The following SIGIRR variants were observed in gnomAD, a reference collection of about 807,000 sequenced individuals.
The protein encoded by SIGIRR is single Ig IL-1-related receptor.
SIGIRR carries 41 observed loss-of-function variants against 45.6 expected under a neutral mutation model. That is an observed-to-expected ratio of 0.90 (90% CI 0.70 to 1.17). The LOEUF is 1.17. SIGIRR is among the 50% of genes most tolerant of loss of function. The pLI is 0.00. For synonymous variants in SIGIRR, 298 were observed against 239.0 expected, an observed-to-expected ratio of 1.25 and a Z score of -2.28; for missense variants, 599 against 539.6, an observed-to-expected ratio of 1.11 and a Z score of -1.09.
intron 3 of SIGIRR, 51 bp downstream of exon 3, chr11:408,644 C>T: frequency 6.2e-7 from 1 of 1,602,384 alleles, no homozygotes. Flanking sequence ...AGACCACTGC[C>T]CTTGGCATGT....
In SIGIRR at chr11:407,954, G is replaced by C. The variant is rs111819059; in HGVS notation, c.344C>G (p.Pro115Arg). Reference protein sequence around the residue: ...FSSFTLQRAGPTSHVAAVLAS... With the variant: ...FSSFTLQRAGRTSHVAAVLAS... Reference sequence around the variant, plus strand: ...CAGCACCGCAGCCACGTGGCTTGTAGGGCCTGCGGATGGGTTGCCTGAGCC... The same window carrying C: ...CAGCACCGCAGCCACGTGGCTTGTACGGCCTGCGGATGGGTTGCCTGAGCC... The change falls in exon 5 of 10, where the codon CCT (proline) becomes CGT (arginine). Residue 115 changes from proline to arginine, a missense_variant. Coordinates refer to ENST00000431843, the MANE Select transcript of SIGIRR (RefSeq NM_001135054.2). The C allele has an allele frequency of 6.9e-3, 11,135 of 1,606,710 alleles. 51 individuals are homozygous for C. Among genetic ancestry groups the C allele is most frequent in the East Asian group, 0.017 (770 of 44,806 alleles).
In SIGIRR at chr11:406,270, G is replaced by A. The variant is rs754175384; in HGVS notation, c.1069+79C>T. ...GTCCTCAACACCTGGAGCCCCTCCA[G>A]GCCCTGTGCCCTGTGCCTGCCCCCA... On this transcript the variant is annotated intron_variant, in intron 9 of 9. Transcript: ENST00000431843. 3 of 1,558,602 alleles carry A rather than the reference G, an allele frequency of 1.9e-6. No individual in the cohort carries two copies. In the Admixed American group the frequency reaches 5.8e-5, roughly 30 times the overall value.
Position 406,494 on chromosome 11 carries a change from C to T in SIGIRR, c.924G>A (p.Pro308=). The change falls in exon 9 of 10, where the codon CCG becomes CCA. Residue 308 remains proline, a synonymous_variant. Transcript: ENST00000431843. ...CCACAGGCCTGTACTGCACCTTCCGCGGCAGCGCCAGCTGCACTTCTTTCC... is the reference window on the plus strand; with the variant it reads ...CCACAGGCCTGTACTGCACCTTCCGTGGCAGCGCCAGCTGCACTTCTTTCC... ...DFWKEVQLAL[P]RKVQYRPVEG... 2.5e-6 allele frequency: 4 copies of T among 1,611,670 alleles called. No individual in the cohort carries two copies. The highest frequency in any genetic ancestry group is 2.5e-6 in the Non-Finnish European group (3 of 1,179,094).
upstream of SIGIRR, among the ~76,000 whole-genome samples, chr11:415,552 C>A (rs974942870): frequency 6.6e-6 from 1 of 152,190 alleles, no homozygotes; most frequent in Admixed American, 6.5e-5. The surrounding 1 kb of genome is among the most constrained non-coding windows in gnomAD (Gnocchi z 6.6). Context: ...TCAGAAACTC[C>A]CGGTCAACAA....
At chr11:408,497 C>G (rs573029906) in intron 3 of SIGIRR, among the ~76,000 whole-genome samples, 198 bp downstream of exon 3, 1 of 152,266 alleles carries the variant, frequency 6.6e-6, no homozygotes, top group African/African-American at 2.4e-5. Context: ...TGGGCAGTTA[C>G]GAGGTGTGTG....
chr11:407,055 G>GACCCACCGGAAGCTGTGGCTGC lies in SIGIRR; in HGVS notation c.713_728+6dup. 3.8e-6 allele frequency: 6 copies of GACCCACCGGAAGCTGTGGCTGC among 1,577,476 alleles called. No individual in the cohort carries two copies. The highest frequency in any genetic ancestry group is 5.1e-6 in the Non-Finnish European group (6 of 1,168,012). ...CTGGGGCCCACCCAACCCCGCGCGG[G>GACCCACCGGAAGCTGTGGCTGC]ACCCACCGGAAGCTGTGGCTGCACC... is the stretch of plus-strand genomic sequence containing the variant. On this transcript the variant is annotated splice_region_variant and intron_variant, in intron 7 of 9. Transcript: ENST00000431843.
upstream of SIGIRR, among the ~76,000 whole-genome samples, chr11:416,450 G>A (rs989579503): frequency 3.3e-5 from 5 of 152,072 alleles, no homozygotes; most frequent in African/African-American, 1.2e-4. The surrounding 1 kb of genome is among the most constrained non-coding windows in gnomAD (Gnocchi z 9.1). Flanking sequence ...CTTCCGAGGC[G>A]CCCAGAATCT....
rs755969858 is a variant in SIGIRR, at chr11:408,135, T to C, written c.278A>G (p.Tyr93Cys). Residue 93 changes from tyrosine (Y) to cysteine (C), a missense_variant, in exon 4 of 10, where the codon TAT becomes TGT. Physicochemically the swap from Tyr to Cys is radical, Grantham distance 194. Transcript: ENST00000431843. ...CTGGATGGAGCAGGTGAAGGCCCCA[T>C]AGACTTCAGTGCTGGTCACGTTGAC... ...LGVNVTSTEV[Y>C]GAFTCSIQNI... is the part of the protein sequence containing the mutation. The C allele has an allele frequency of 8.1e-6, 13 of 1,612,652 alleles. No individual in the cohort carries two copies. The highest frequency in any genetic ancestry group is 4.5e-5 in the East Asian group (2 of 44,888).
chr11:408,867 G>A lies in SIGIRR; in HGVS notation c.34C>T (p.Leu12Phe), dbSNP rs1192853835. 1.9e-6 allele frequency: 3 copies of A among 1,612,692 alleles called. No homozygotes were observed. The highest frequency in any genetic ancestry group is 1.1e-5 in the South Asian group (1 of 91,088). ...AGCACCTGGTCTTCAGACGGGGAGA[G>A]GAAGTCAGGGGCCCTATCACAGACA... ...PGVCDRAPDF[L>F]SPSEDQVLRP... The change falls in exon 3 of 10, where the codon CTC (leucine) becomes TTC (phenylalanine). Residue 12 changes from leucine (L) to phenylalanine (F), a missense_variant. Transcript: ENST00000431843.
chr11:407,737 G>A (rs1847412271), intron 5 of SIGIRR, 80 bp downstream of exon 5: 6 of 1,591,392 alleles, frequency 3.8e-6, no homozygotes, highest in Non-Finnish European at 5.1e-6. Context: ...CCCGCCGCAC[G>A]CCTCCAAAGC....
rs1847322197 is a variant in SIGIRR, at chr11:406,682, C to T, written c.880-144G>A. The T allele has an allele frequency of 2.6e-5, 37 of 1,404,276 alleles. No homozygotes were observed. In the South Asian group the frequency reaches 5.0e-4, roughly 19 times the overall value. The allele number at this position is 1,404,276 out of a possible 1,614,324, so 87.0% of individuals were successfully genotyped here. A position where few individuals can be genotyped will look rare whatever the true frequency, so the allele number is the denominator to read the frequency against. ...GTGGCTCCGGGGGCCTCAAGGGCGG[C>T]TCCCCGCATCGGGGCCCCAGGCAGC... On this transcript the variant is annotated intron_variant, in intron 8 of 9. Transcript: ENST00000431843.
chr11:406,170 G>C (rs556698412), intron 9 of SIGIRR, 111 bp from the exon 10 acceptor site: 1 of 1,537,814 alleles, frequency 6.5e-7, no homozygotes, highest in Non-Finnish European at 8.7e-7. Context: ...GTGAGGCCCA[G>C]GAAGTTCCCA....
At position 407,490 on chromosome 11, in the gene SIGIRR, G is replaced by C; in HGVS notation, c.560C>G (p.Pro187Arg). The C allele has an allele frequency of 6.3e-7, 1 of 1,597,174 alleles. No individual in the cohort carries two copies. The highest frequency in any genetic ancestry group is 8.5e-7 in the Non-Finnish European group (1 of 1,172,686). Residue 187 changes from proline (P) to arginine (R), a missense_variant, in exon 6 of 10, where the codon CCG becomes CGG. Pro to Arg is a moderately radical substitution (Grantham distance 103). Coordinates refer to ENST00000431843, the MANE Select transcript of SIGIRR (RefSeq NM_001135054.2). ...DRKFVNFILK[P>R]QLERRRGYKL... ...GTAGCCCCGACGCCGCTCCAGCTGC[G>C]GCTTTAGGATGAAGTTCACGAACTT...
At chr11:406,628 C>A in intron 8 of SIGIRR, 90 bp from the exon 9 acceptor site, 1 of 1,471,070 alleles carries the variant, frequency 6.8e-7, no homozygotes, top group Non-Finnish European at 9.0e-7. Context: ...CGGCTGCCCA[C>A]GGGTTCCACG....
chr11:407,176 C>G lies in SIGIRR; in HGVS notation c.626-12G>C. The G allele has an allele frequency of 1.3e-6, 1 of 783,800 alleles. No homozygotes were observed. Among genetic ancestry groups the G allele is most frequent in the Non-Finnish European group, 1.6e-6 (1 of 628,162 alleles). 48.6% of individuals were successfully genotyped at this position (783,800 alleles called of 1,614,324 possible). A position where few individuals can be genotyped will look rare whatever the true frequency, so the allele number is the denominator to read the frequency against. On this transcript the variant is annotated splice_polypyrimidine_tract_variant and intron_variant, in intron 6 of 9. Transcript: ENST00000431843. The stretch of plus-strand genomic sequence containing the variant: ...GTCGGCGGAGGGCTCTGCGGGAGGG[C>G]GGGCGTCGGCGGCGCAGGGGCGGGG...
In SIGIRR at chr11:408,706, G is replaced by A. The variant is rs138521658; in HGVS notation, c.195C>T (p.His65=). The A allele has an allele frequency of 2.7e-4, 442 of 1,612,544 alleles. No individual in the cohort carries two copies. The highest frequency in any genetic ancestry group is 3.5e-4 in the Non-Finnish European group (408 of 1,179,932). ...PLGIGGHYSL[H]EYSWVKANLS... is the part of the protein sequence containing the mutation. ...CCCGGGTCTCTTACCAGGAGTACTC[G>A]TGGAGGCTGTAGTGGCCCCCAATTC... is the stretch of plus-strand genomic sequence containing the variant. Residue 65 remains histidine, a synonymous_variant, in exon 3 of 10, where the codon CAC becomes CAT. Coordinates refer to ENST00000431843, the MANE Select transcript of SIGIRR (RefSeq NM_001135054.2).
Position 407,541 on chromosome 11 carries a change from G to C in SIGIRR, c.509C>G (p.Ser170Cys). The change falls in exon 6 of 10, where the codon TCC becomes TGC. Residue 170 changes from serine to cysteine, a missense_variant. Coordinates refer to ENST00000431843, the MANE Select transcript of SIGIRR (RefSeq NM_001135054.2). ...GCGGTCCTCGGGGCAGTCGCTGTAG[G>C]AGACGTAGGCGTCGTAGAGCTTCCC... ...NDGKLYDAYV[S>C]YSDCPEDRKF... The C allele has an allele frequency of 6.2e-7, 1 of 1,609,786 alleles. No individual in the cohort carries two copies. The highest frequency in any genetic ancestry group is 8.5e-7 in the Non-Finnish European group (1 of 1,178,602).
At chr11:414,564 A>G (rs952462900) in intron 1 of SIGIRR, among the ~76,000 whole-genome samples, 5 of 152,118 alleles carry the variant, frequency 3.3e-5, no homozygotes, top group Non-Finnish European at 7.4e-5. Flanking sequence ...CTTAGGCTGC[A>G]GACCCCTCAC....
chr11:413,309 C>T lies in SIGIRR; in HGVS notation c.-154+1514G>A, dbSNP rs373946320. Among the ~76,000 whole-genome samples the T allele has an allele frequency of 3.3e-5, 5 of 152,072 alleles. No individual in the cohort carries two copies. The East Asian group carries it at 9.6e-4, about 29-fold the overall frequency. On this transcript the variant is annotated intron_variant, in intron 1 of 9. Coordinates refer to ENST00000431843, the MANE Select transcript of SIGIRR (RefSeq NM_001135054.2). Reference sequence around the variant, plus strand: ...GAACCGATACAGCATGAGGCACACACCCATGGGGGATGGCCAGGGGGTCCT... The same window carrying T: ...GAACCGATACAGCATGAGGCACACATCCATGGGGGATGGCCAGGGGGTCCT...
Sources: gnomAD v4.1 joint callset for allele counts (sites outside exome capture counted in the v4.1 genomes callset) on GRCh38, gnomAD v4.1.1 for gene constraint, Gnocchi (gnomAD v3.1) non-coding constraint, MANE v1.5 for transcripts, NCBI Gene and HGNC (gene_info 2026-07-23, HGNC 2026-07-21) for gene names.